POLA1: variants seen among roughly 807,000 people sequenced by gnomAD.
POLA1 encodes DNA polymerase alpha 1, catalytic subunit.
A neutral mutation model predicts 124.0 loss-of-function variants in POLA1; 15 were observed. That is an observed-to-expected ratio of 0.12 (90% CI 0.08 to 0.19). POLA1 has a LOEUF of 0.19. Among genes scored for constraint, POLA1 ranks in the 10% least tolerant of loss-of-function variants. The probability of loss-of-function intolerance (pLI) is 1.00; values close to 1 mark genes in which losing one functional copy is unlikely to be tolerated. For synonymous variants in POLA1, 408 were observed against 389.4 expected (o/e 1.05, Z -0.56); for missense variants, 886 against 1,103.4 (o/e 0.80, Z 2.79).
intron 2 of POLA1, among the ~76,000 whole-genome samples, chrX:24,700,589 G>T (rs184669064): frequency 2.1e-4 from 24 of 111,941 alleles, no homozygotes; most frequent in Non-Finnish European, 4.3e-4. Flanking sequence ...GTTCACTGCA[G>T]CTTCCACCTC....
At chrX:24,841,545 G>T (rs1863623187) in intron 32 of POLA1, 107 bp from the exon 33 acceptor site, 4 of 425,773 alleles carry the variant, frequency 9.4e-6, no homozygotes. Context: ...AGTTCAAATG[G>T]TTGTGTGTAT....
chrX:24,740,567 AAAGTC>A (rs1227042787), intron 20 of POLA1, among the ~76,000 whole-genome samples: 1 of 112,074 alleles, frequency 8.9e-6, no homozygotes, highest in Admixed American at 9.5e-5. Flanking sequence ...AGTAAAAACT[AAAGTC>A]CTTATTTTTA....
chrX:24,916,287 C>CTT (rs1301083848), intron 35 of POLA1, among the ~76,000 whole-genome samples: 2 of 95,159 alleles, frequency 2.1e-5, no homozygotes, highest in African/African-American at 8.1e-5. Flanking sequence ...TTTCTTTTTT[C>CTT]TTTTTTTTTT....
chrX:24,946,035 C>A (rs2047956720), intron 36 of POLA1, among the ~76,000 whole-genome samples: 1 of 111,290 alleles, frequency 9.0e-6, no homozygotes, highest in Non-Finnish European at 1.9e-5. Context: ...CATTATTTTC[C>A]CCCATTAACT....
At chrX:24,911,509 G>T (rs2047448589) in intron 35 of POLA1, among the ~76,000 whole-genome samples, 1 of 110,068 alleles carries the variant, frequency 9.1e-6, no homozygotes, top group Non-Finnish European at 1.9e-5. Context: ...GAGGAGAAAA[G>T]AAAGATCTCA....
At chrX:24,781,930 A>G (rs2045272663) in intron 26 of POLA1, among the ~76,000 whole-genome samples, 1 of 112,036 alleles carries the variant, frequency 8.9e-6, no homozygotes, top group Non-Finnish European at 1.9e-5. Context: ...AAAAAATGCT[A>G]GAAGTCATCT....
chrX:24,728,586 T>A (rs1231735498), intron 15 of POLA1, among the ~76,000 whole-genome samples: 1 of 112,197 alleles, frequency 8.9e-6, no homozygotes, highest in Non-Finnish European at 1.9e-5. Flanking sequence ...CCAGTTTTTT[T>A]AATGACATTG....
chrX:24,719,435 A>G (rs1042272776), intron 10 of POLA1, among the ~76,000 whole-genome samples: 1 of 112,004 alleles, frequency 8.9e-6, no homozygotes, highest in Non-Finnish European at 1.9e-5. Flanking sequence ...AATTTACTTT[A>G]GCTAGGACAA....
chrX:24,809,973 A>G (rs758488539), intron 27 of POLA1, 43 bp downstream of exon 27: 84 of 842,581 alleles, frequency 1.0e-4, no homozygotes, highest in Non-Finnish European at 1.4e-4. Flanking sequence ...AAATATCATA[A>G]CTGGTAACGT....
Position 24,815,075 on chromosome X carries a change from T to C in POLA1, c.3393T>C (p.Asn1131=), listed in dbSNP as rs773057698. The change falls in exon 30 of 37, where the codon AAT becomes AAC. Residue 1131 remains asparagine (N), a synonymous_variant. Transcript: ENST00000379068. ...RLIEIGENVL[N]GSVPVSQFEI... Reference sequence around the variant, plus strand: ...TAGAAATTGGAGAAAATGTGCTAAATGGCAGTGTCCCAGTGAGCCAGTTTG... The same window carrying C: ...TAGAAATTGGAGAAAATGTGCTAAACGGCAGTGTCCCAGTGAGCCAGTTTG... 164 of 1,200,182 alleles carry C rather than the reference T, an allele frequency of 1.4e-4. No individual in the cohort carries two copies. The highest frequency in any genetic ancestry group is 1.6e-4 in the Non-Finnish European group (146 of 889,602).
intron 36 of POLA1, among the ~76,000 whole-genome samples, chrX:24,967,467 C>T (rs905987282): frequency 3.7e-5 from 4 of 109,548 alleles, no homozygotes; most frequent in Non-Finnish European, 7.6e-5. Context: ...CTCAGGAGTT[C>T]GAGACCAGCC....
At chrX:24,848,429 A>G (rs1344414363) in intron 34 of POLA1, among the ~76,000 whole-genome samples, 36 of 112,317 alleles carry the variant, frequency 3.2e-4, no homozygotes, top group Non-Finnish European at 1.3e-4. Flanking sequence ...GAGGCCACAC[A>G]CCAGGAAGTA....
intron 34 of POLA1, among the ~76,000 whole-genome samples, chrX:24,862,783 A>G (rs920302721): frequency 8.9e-6 from 1 of 112,267 alleles, no homozygotes; most frequent in Non-Finnish European, 1.9e-5. Flanking sequence ...TACAAATTGT[A>G]GCTTGATTAT....
At chrX:24,841,978 A>C (rs1042238389) in intron 33 of POLA1, 148 bp downstream of exon 33, 2 of 401,810 alleles carry the variant, frequency 5.0e-6, no homozygotes, top group Non-Finnish European at 8.4e-6. Flanking sequence ...TGTGAAATCT[A>C]CCTTCACAGC....
intron 36 of POLA1, among the ~76,000 whole-genome samples, chrX:24,943,947 G>A (rs2047934555): frequency 9.0e-6 from 1 of 111,558 alleles, no homozygotes; most frequent in African/African-American, 3.3e-5. Flanking sequence ...GGCAAGGCAG[G>A]GAATCTAAAG....
At chrX:24,710,479 A>G (rs935311117) in intron 4 of POLA1, among the ~76,000 whole-genome samples, 3 of 111,774 alleles carry the variant, frequency 2.7e-5, no homozygotes, top group African/African-American at 9.7e-5. Context: ...TTACTGCTGA[A>G]TAATATTCTG....
rs187403862 is a variant in POLA1, at chrX:24,957,825, C to T, written c.4261+27276C>T. 2.6e-3 allele frequency among the ~76,000 whole-genome samples: 290 copies of T among 109,980 alleles called. 1 individual carries two copies. The highest frequency in any genetic ancestry group is 8.9e-3 in the African/African-American group (270 of 30,226). On this transcript the variant is annotated intron_variant, in intron 36 of 36. Transcript: ENST00000379068. ...CAGGATCTGATCTGTTCTTGAAGGT[C>T]ACTCTGGCTGCTGCATCATAGGGGA...
intron 26 of POLA1, among the ~76,000 whole-genome samples, chrX:24,777,578 A>G (rs1264574932): frequency 4.4e-5 from 5 of 112,711 alleles, no homozygotes; most frequent in African/African-American, 1.6e-4. Flanking sequence ...TTAAGTGTGC[A>G]GGTGCACACA....
chrX:24,801,720 C>T (rs1333925067), intron 26 of POLA1, among the ~76,000 whole-genome samples: 1 of 111,326 alleles, frequency 9.0e-6, no homozygotes, highest in Non-Finnish European at 1.9e-5. Flanking sequence ...GTACATACAT[C>T]GTTAAATTTA....
Sources: allele counts gnomAD v4.1 joint callset (sites outside exome capture counted in the v4.1 genomes callset), GRCh38; gene constraint gnomAD v4.1.1; transcripts MANE v1.5; gene names NCBI Gene and HGNC (gene_info 2026-07-23, HGNC 2026-07-21).